PAPPA2: variants seen among roughly 807,000 people sequenced by gnomAD.
PAPPA2 encodes the protein pappalysin-2.
PAPPA2 carries 86 observed loss-of-function variants against 176.4 expected under a neutral mutation model. That is an observed-to-expected ratio of 0.49 (90% CI 0.41 to 0.58). The LOEUF (loss-of-function observed/expected upper bound fraction) is 0.58, where lower values mean the gene tolerates loss of function less well. Among genes scored for constraint, PAPPA2 ranks in the 20% least tolerant of loss-of-function variants. The pLI, the probability that PAPPA2 is intolerant of heterozygous loss-of-function variation, is 0.00. For synonymous variants in PAPPA2, 809 were observed against 852.2 expected (o/e 0.95, Z 0.88); for missense variants, 2,073 against 2,256.9 (o/e 0.92, Z 1.65).
intron 3 of PAPPA2, 110 bp from the exon 4 acceptor site, chr1:176,670,860 A>G: frequency 7.1e-7 from 1 of 1,410,130 alleles, no homozygotes. Context: ...TGCCCCTCCA[A>G]AAGGTAATGC....
intron 2 of PAPPA2, among the ~76,000 whole-genome samples, chr1:176,564,088 C>T (rs1196971506): frequency 1.2e-4 from 19 of 152,152 alleles, no homozygotes; most frequent in Admixed American, 1.2e-3. Flanking sequence ...TAAAATCCTA[C>T]ATATTTAATC....
intron 1 of PAPPA2, among the ~76,000 whole-genome samples, chr1:176,491,372 A>G (rs1308730269): frequency 2.0e-5 from 3 of 152,214 alleles, no homozygotes; most frequent in Non-Finnish European, 4.4e-5. Flanking sequence ...GTCTTCATAG[A>G]TGAGGTGTGA....
chr1:176,613,215 AG>A (rs1465896205), intron 3 of PAPPA2, among the ~76,000 whole-genome samples: 2 of 152,168 alleles, frequency 1.3e-5, no homozygotes, highest in African/African-American at 4.8e-5. Context: ...TTCTTTCACA[AG>A]TCATTGTGGA....
chr1:176,483,100 T>C (rs1407606931), intron 1 of PAPPA2, among the ~76,000 whole-genome samples: 1 of 152,162 alleles, frequency 6.6e-6, no homozygotes, highest in Non-Finnish European at 1.5e-5. Flanking sequence ...ATCAGTGCCA[T>C]TGGACATACT....
intron 21 of PAPPA2, among the ~76,000 whole-genome samples, chr1:176,822,130 T>C (rs1156322985): frequency 1.3e-5 from 2 of 151,810 alleles, no homozygotes; most frequent in African/African-American, 4.8e-5. Context: ...GAGTGGGAGG[T>C]GCATAAAGCC....
chr1:176,712,076 G>A (rs142184423), intron 12 of PAPPA2, 95 bp downstream of exon 12: 2 of 1,418,868 alleles, frequency 1.4e-6, no homozygotes, highest in African/African-American at 2.9e-5. Flanking sequence ...GCATTTGGAT[G>A]ACTTGTCAGA....
intron 17 of PAPPA2, among the ~76,000 whole-genome samples, chr1:176,778,792 A>G (rs1365949864): frequency 6.6e-6 from 1 of 152,218 alleles, no homozygotes; most frequent in Non-Finnish European, 1.5e-5. Flanking sequence ...TTTTCTTTCC[A>G]ATAAGACCTT....
In PAPPA2 at chr1:176,770,841, C is replaced by T. The variant is rs181171664; in HGVS notation, c.4502-126C>T. On this transcript the variant is annotated intron_variant, in intron 16 of 22. Transcript: ENST00000367662. The stretch of plus-strand genomic sequence containing the variant: ...TTGATGTGGGATTTTTGAGATGCTA[C>T]TCAAGAAAGAATAATATGACTTTTG... 307 of 842,748 alleles carry T rather than the reference C, an allele frequency of 3.6e-4. 1 individual carries two copies. Among genetic ancestry groups the T allele is most frequent in the Non-Finnish European group, 4.7e-4 (257 of 542,376 alleles). 52.2% of individuals were successfully genotyped at this position (842,748 alleles called of 1,614,324 possible). A position where few individuals can be genotyped will look rare whatever the true frequency, so the allele number is the denominator to read the frequency against.
At position 176,764,331 on chromosome 1, in the gene PAPPA2, A is replaced by T. The variant is rs142217136; in HGVS notation, c.4152-1335A>T. Among the ~76,000 whole-genome samples, 116 of 152,362 alleles carry T rather than the reference A, an allele frequency of 7.6e-4. 3 individuals carry two copies. In the East Asian group the frequency reaches 0.02, roughly 26 times the overall value. On this transcript the variant is annotated intron_variant, in intron 14 of 22. Transcript: ENST00000367662. ...AATGGGAGAACAAAAAAGTGGGGTG[A>T]CAAACAGCAAACAGACCAGTGAGGC...
chr1:176,557,095 T>C lies in PAPPA2; in HGVS notation c.773T>C (p.Val258Ala), dbSNP rs754963045. 2 of 1,612,348 alleles carry C rather than the reference T, an allele frequency of 1.2e-6. No individual in the cohort carries two copies. Among genetic ancestry groups the C allele is most frequent in the South Asian group, 1.1e-5 (1 of 91,016 alleles). ...GAAGCAGAGACCTTTAACTCCCAAG[T>C]AGGACTGCCCATCTTATACTTCTCT... ...YREAETFNSQ[V>A]GLPILYFSGR... Residue 258 changes from valine to alanine, a missense_variant, in exon 2 of 23, where the codon GTA becomes GCA. By Grantham distance (64) the Val-to-Ala change is moderately conservative. Around this residue, in one of 4 missense-constraint regions of PAPPA2, gnomAD observed 1,196 missense variants for 1,330.4 expected, o/e 0.90. Transcript: ENST00000367662.
chr1:176,557,708 C>T (rs1424928903), intron 2 of PAPPA2, among the ~76,000 whole-genome samples: 1 of 152,198 alleles, frequency 6.6e-6, no homozygotes, highest in African/African-American at 2.4e-5. Context: ...GCTAGGTACA[C>T]AGCCGTCAGG....
Position 176,616,656 on chromosome 1 carries a change from A to G in PAPPA2, c.1991+21061A>G, listed in dbSNP as rs931558386. The G allele has an allele frequency of 3.8e-6, 6 of 1,566,102 alleles. No individual in the cohort carries two copies. In the African/African-American group the frequency reaches 4.1e-5, roughly 11 times the overall value. On this transcript the variant is annotated intron_variant, in intron 3 of 22. Coordinates refer to ENST00000367662, the MANE Select transcript of PAPPA2 (RefSeq NM_020318.3). ...ATAAGTTGCTTCACATACTCTTACT[A>G]TTGTGGTAGCTCCATACTTCTTAAG...
intron 14 of PAPPA2, among the ~76,000 whole-genome samples, chr1:176,744,321 T>A (rs570237084): frequency 3.9e-5 from 6 of 152,300 alleles, no homozygotes; most frequent in African/African-American, 1.4e-4. Flanking sequence ...ATTTTTAACC[T>A]TTCTCTGTCT....
intron 3 of PAPPA2, among the ~76,000 whole-genome samples, chr1:176,661,622 A>G (rs563393590): frequency 6.6e-6 from 1 of 151,444 alleles, no homozygotes; most frequent in African/African-American, 2.4e-5. Context: ...CGGGAACACT[A>G]TTGCCCAGAC....
intron 1 of PAPPA2, among the ~76,000 whole-genome samples, chr1:176,540,072 C>T (rs578117082): frequency 6.6e-6 from 1 of 152,290 alleles, no homozygotes; most frequent in African/African-American, 2.4e-5. Context: ...CCATTTGCTT[C>T]TCTCTAGGAA....
At chr1:176,618,926 C>G (rs1474724620) in intron 3 of PAPPA2, among the ~76,000 whole-genome samples, 1 of 151,898 alleles carries the variant, frequency 6.6e-6, no homozygotes, top group African/African-American at 2.4e-5. Context: ...CACATTTGAA[C>G]CATTAAGTAT....
At chr1:176,477,304 A>C (rs1652173143) in intron 1 of PAPPA2, among the ~76,000 whole-genome samples, 1 of 152,188 alleles carries the variant, frequency 6.6e-6, no homozygotes, top group African/African-American at 2.4e-5. Context: ...AGGACTTTCA[A>C]ACAGTTACTC....
intron 3 of PAPPA2, among the ~76,000 whole-genome samples, chr1:176,634,499 T>G (rs1290083420): frequency 6.6e-6 from 1 of 151,722 alleles, no homozygotes; most frequent in Non-Finnish European, 1.5e-5. Flanking sequence ...AAATGAGGAG[T>G]TAATGGGTGC....
At chr1:176,804,287 A>C (rs2102953750) in intron 21 of PAPPA2, among the ~76,000 whole-genome samples, 1 of 152,292 alleles carries the variant, frequency 6.6e-6, no homozygotes, top group Admixed American at 6.5e-5. Flanking sequence ...TATTTCTCTA[A>C]GCCAGTGATT....
Sources: gnomAD v4.1 joint callset for allele counts (sites outside exome capture counted in the v4.1 genomes callset) on GRCh38, gnomAD v4.1.1 for gene constraint, gnomAD v4.1.1 regional missense constraint, MANE v1.5 for transcripts, NCBI Gene and HGNC (gene_info 2026-07-23, HGNC 2026-07-21) for gene names.